The following B3GALT1 variants were observed in gnomAD, a reference collection of about 807,000 sequenced individuals.
B3GALT1 encodes beta-1,3-galactosyltransferase 1, also known as UDP-Gal:betaGlcNAc beta 1,3-galactosyltransferase, polypeptide 1.
B3GALT1 carries 10 observed loss-of-function variants against 23.2 expected under a neutral mutation model. The observed-to-expected ratio is 0.43, with a 90% confidence interval of 0.27 to 0.73. The LOEUF (loss-of-function observed/expected upper bound fraction) is 0.73. Among genes scored for constraint, B3GALT1 ranks in the 30% least tolerant of loss-of-function variants. The pLI, the probability that B3GALT1 is intolerant of heterozygous loss-of-function variation, is 0.21. For synonymous variants in B3GALT1, 156 were observed against 141.5 expected (o/e 1.10, Z -0.73); for missense variants, 299 against 405.4 (o/e 0.74, Z 2.25).
chr2:167,686,743 T>C (rs534787381), intron 3 of B3GALT1, among the ~76,000 whole-genome samples: 2 of 152,168 alleles, frequency 1.3e-5, no homozygotes, highest in African/African-American at 4.8e-5. Context: ...ACAGAGTAAA[T>C]ATATTTCTTT....
At chr2:167,795,033 A>C (rs1211048978) in intron 3 of B3GALT1, among the ~76,000 whole-genome samples, 1 of 152,226 alleles carries the variant, frequency 6.6e-6, no homozygotes, top group African/African-American at 2.4e-5. Flanking sequence ...AACAAGAACA[A>C]ATAACATGGA....
At chr2:167,741,218 TG>T (rs1342936428) in intron 3 of B3GALT1, among the ~76,000 whole-genome samples, 9 of 152,190 alleles carry the variant, frequency 5.9e-5, no homozygotes, top group Admixed American at 3.9e-4. Flanking sequence ...TTGATGACTT[TG>T]TTAGTCATTG....
chr2:167,739,487 GT>G (rs1296465194), intron 3 of B3GALT1, among the ~76,000 whole-genome samples: 2 of 152,250 alleles, frequency 1.3e-5, no homozygotes, highest in East Asian at 3.9e-4. Context: ...GGTCCAAATG[GT>G]TTTATTTCTC....
intron 1 of B3GALT1, among the ~76,000 whole-genome samples, chr2:167,362,263 T>C (rs1697511029): frequency 6.6e-6 from 1 of 152,198 alleles, no homozygotes; most frequent in Non-Finnish European, 1.5e-5. Flanking sequence ...ACTTACAAGA[T>C]AGGGTGATAC....
At chr2:167,664,419 G>C (rs1329230405) in intron 3 of B3GALT1, among the ~76,000 whole-genome samples, 1 of 151,728 alleles carries the variant, frequency 6.6e-6, no homozygotes. Context: ...TTGTTCTTTT[G>C]GCTTAGGATT....
intron 2 of B3GALT1, among the ~76,000 whole-genome samples, chr2:167,635,253 C>T (rs113958453): frequency 4.6e-5 from 7 of 152,088 alleles, no homozygotes; most frequent in East Asian, 1.9e-4. Flanking sequence ...ATACTGAATG[C>T]GCAAAAGCTG....
intron 4 of B3GALT1, among the ~76,000 whole-genome samples, chr2:167,854,373 G>C (rs1166779739): frequency 6.6e-6 from 1 of 152,134 alleles, no homozygotes; most frequent in Non-Finnish European, 1.5e-5. Context: ...TAACTAACCA[G>C]CCAGAACAAC....
chr2:167,446,163 C>G (rs1158085487), intron 1 of B3GALT1, among the ~76,000 whole-genome samples: 2 of 152,286 alleles, frequency 1.3e-5, no homozygotes, highest in South Asian at 2.1e-4. Context: ...GTTGAAAATT[C>G]TTTTCTTTAA....
At chr2:167,679,508 C>T (rs1217765842) in intron 3 of B3GALT1, among the ~76,000 whole-genome samples, 2 of 152,278 alleles carry the variant, frequency 1.3e-5, no homozygotes, top group Admixed American at 6.5e-5. Context: ...CCCACCTCGG[C>T]CTCCCGAAGT....
At chr2:167,446,016 C>T (rs568533695) in intron 1 of B3GALT1, among the ~76,000 whole-genome samples, 1 of 152,116 alleles carries the variant, frequency 6.6e-6, no homozygotes, top group African/African-American at 2.4e-5. Context: ...TGTTCCTTTC[C>T]ATGTTTAGTG....
chr2:167,859,588 C>G (rs1308964795), intron 4 of B3GALT1, among the ~76,000 whole-genome samples: 1 of 151,424 alleles, frequency 6.6e-6, no homozygotes, highest in Non-Finnish European at 1.5e-5. Flanking sequence ...CAATAAATGT[C>G]AAGGTATATT....
intron 3 of B3GALT1, among the ~76,000 whole-genome samples, chr2:167,815,408 G>A (rs1443145884): frequency 6.6e-6 from 1 of 152,068 alleles, no homozygotes; most frequent in Non-Finnish European, 1.5e-5. Context: ...ACTCAGTGGC[G>A]CTTTGTGTTT....
chr2:167,369,061 TTGTGTGTGTGTGTGTGTG>T (rs60938716), intron 1 of B3GALT1, among the ~76,000 whole-genome samples: 3,498 of 147,542 alleles, frequency 0.024, 88 homozygotes, highest in East Asian at 0.091. Flanking sequence ...AAACTCTTAT[TTGTGTGTGTGTGTGTGTG>T]TGTGTGTGTG....
At chr2:167,809,169 C>G (rs1688825210) in intron 3 of B3GALT1, among the ~76,000 whole-genome samples, 1 of 152,148 alleles carries the variant, frequency 6.6e-6, no homozygotes, top group South Asian at 2.1e-4. Context: ...ATTGGTTATT[C>G]TAGTTAGCCA....
chr2:167,581,955 T>C (rs959248923), intron 2 of B3GALT1, among the ~76,000 whole-genome samples: 11 of 152,188 alleles, frequency 7.2e-5, no homozygotes, highest in South Asian at 2.1e-4. Flanking sequence ...TGTGCATATG[T>C]GTACTGGTGA....
intron 3 of B3GALT1, among the ~76,000 whole-genome samples, chr2:167,658,972 A>G (rs908343944): frequency 1.3e-5 from 2 of 152,150 alleles, no homozygotes; most frequent in African/African-American, 4.8e-5. Context: ...AACAAATTCT[A>G]GTCCACTTTT....
intron 3 of B3GALT1, among the ~76,000 whole-genome samples, chr2:167,799,398 T>C (rs1188391061): frequency 6.6e-6 from 1 of 152,158 alleles, no homozygotes; most frequent in Non-Finnish European, 1.5e-5. Flanking sequence ...TACCTTTGTG[T>C]ACCCTTGGCT....
intron 3 of B3GALT1, among the ~76,000 whole-genome samples, chr2:167,761,097 T>C (rs1305263700): frequency 6.6e-6 from 1 of 152,214 alleles, no homozygotes; most frequent in African/African-American, 2.4e-5. Context: ...AGATCATTTT[T>C]CCAAGTGAAA....
chr2:167,337,624 A>G (rs765942321), intron 1 of B3GALT1, among the ~76,000 whole-genome samples: 1 of 151,862 alleles, frequency 6.6e-6, no homozygotes, highest in Non-Finnish European at 1.5e-5. Flanking sequence ...CTTTAGTTTC[A>G]AGTGTCTTTT....
Sources: gnomAD v4.1 joint callset for allele counts (sites outside exome capture counted in the v4.1 genomes callset) on GRCh38, gnomAD v4.1.1 for gene constraint, MANE v1.5 for transcripts, NCBI Gene and HGNC (gene_info 2026-07-23, HGNC 2026-07-21) for gene names.